Variants in SEM1 observed in about 807,000 individuals in gnomAD.
SEM1 encodes the protein SEM1 26S proteasome subunit.
A neutral mutation model predicts 12.7 loss-of-function variants in SEM1; 3 were observed. The ratio of observed to expected loss-of-function variants is 0.24; its 90% CI spans 0.11 to 0.61. The LOEUF (loss-of-function observed/expected upper bound fraction) is 0.61. Ranked by LOEUF, SEM1 falls within the 20% of genes least tolerant of loss-of-function variation. The pLI is 0.88. For synonymous variants in SEM1, 30 were observed against 27.8 expected, an observed-to-expected ratio of 1.08 and a Z score of -0.25; for missense variants, 59 against 81.3, an observed-to-expected ratio of 0.73 and a Z score of 1.06.
rs146793911 is a variant in SEM1 at position 96,690,554 on chromosome 7, A to T, written c.171-1588T>A. On this transcript the variant is annotated intron_variant, in intron 2 of 2. Transcript: ENST00000248566. ...CTGCTGAGTGGAAAAATCAACAAAG[A>T]CAAAAATAGAAAACCTCAGCACAAC... is the stretch of plus-strand genomic sequence containing the variant. Among the ~76,000 whole-genome samples, 68 of 152,292 alleles carry T rather than the reference A, an allele frequency of 4.5e-4. 1 individual carries two copies. Among genetic ancestry groups the T allele is most frequent in the African/African-American group, 1.5e-3 (64 of 41,534 alleles).
At chr7:96,615,399 C>A (rs920690203) in intron 2 of SEM1, among the ~76,000 whole-genome samples, 1 of 151,982 alleles carries the variant, frequency 6.6e-6, no homozygotes, top group African/African-American at 2.4e-5. Flanking sequence ...GGATTACAGG[C>A]GCCTACCACC....
chr7:96,660,214 C>T (rs1788951126), intron 2 of SEM1, among the ~76,000 whole-genome samples: 1 of 152,068 alleles, frequency 6.6e-6, no homozygotes, highest in Admixed American at 6.6e-5. Flanking sequence ...TGTGTCCCAA[C>T]ATAATGACAA....
intron 2 of SEM1, among the ~76,000 whole-genome samples, chr7:96,631,553 G>A (rs1402599984): frequency 3.3e-5 from 5 of 152,012 alleles, no homozygotes; most frequent in African/African-American, 1.2e-4. Context: ...GCCTCTTTCA[G>A]TGATATAAAG....
At chr7:96,563,805 CTG>C (rs1211303061) in intron 2 of SEM1, among the ~76,000 whole-genome samples, 3 of 152,114 alleles carry the variant, frequency 2.0e-5, no homozygotes, top group African/African-American at 7.2e-5. Flanking sequence ...AAAATTCAAA[CTG>C]TTAATACTCA....
At chr7:96,583,093 T>C (rs1302977812) in intron 2 of SEM1, among the ~76,000 whole-genome samples, 1 of 152,126 alleles carries the variant, frequency 6.6e-6, no homozygotes, top group East Asian at 1.9e-4. Flanking sequence ...TTTCCTGCTT[T>C]CTCTTGTGGG....
At chr7:96,590,599 A>G (rs17167655) in intron 2 of SEM1, among the ~76,000 whole-genome samples, 6,274 of 152,302 alleles carry the variant, frequency 0.041, 337 homozygotes, top group Admixed American at 0.14. Context: ...GAAAACAAAG[A>G]CATTGCTTAG....
At chr7:96,520,875 TC>T (rs1278130599) in intron 2 of SEM1, among the ~76,000 whole-genome samples, 3 of 151,970 alleles carry the variant, frequency 2.0e-5, no homozygotes, top group African/African-American at 4.8e-5. Flanking sequence ...GGCCCACTGA[TC>T]CCAGCTTGCA....
chr7:96,703,972 A>AACACACACACACACACAC (rs67174798), intron 1 of SEM1, among the ~76,000 whole-genome samples: 5 of 142,084 alleles, frequency 3.5e-5, no homozygotes, highest in African/African-American at 1.1e-4. Context: ...GTCTCTTAAA[A>AACACACACACACACACAC]ACACACACAC....
intron 2 of SEM1, among the ~76,000 whole-genome samples, chr7:96,574,391 AACATAC>A (rs2116006699): frequency 5.2e-5 from 1 of 19,386 alleles, no homozygotes; most frequent in South Asian, 1.3e-3. Context: ...TGCCGCAATA[AACATAC>A]GTGTGCATGT....
rs187246341 is a variant in SEM1 at position 96,630,050 on chromosome 7, C to G, written c.171-7407G>C. On this transcript the variant is annotated intron_variant, in intron 2 of 2. Transcript: ENST00000417009. Reference sequence around the variant, plus strand: ...AGTGACCCAAGCACCCTTGTGGCCACCACCACTAGCACTGTGCTGGATCAG... The same window carrying G: ...AGTGACCCAAGCACCCTTGTGGCCAGCACCACTAGCACTGTGCTGGATCAG... Among the ~76,000 whole-genome samples, 76 of 152,342 alleles carry G rather than the reference C, an allele frequency of 5.0e-4. 1 individual carries two copies. The highest frequency in any genetic ancestry group is 1.7e-3 in the African/African-American group (69 of 41,578).
chr7:96,586,725 T>C (rs1806649283), intron 2 of SEM1, among the ~76,000 whole-genome samples: 1 of 152,196 alleles, frequency 6.6e-6, no homozygotes, highest in South Asian at 2.1e-4. Context: ...GGCAGAATGT[T>C]ATGTGTTTTA....
intron 2 of SEM1, among the ~76,000 whole-genome samples, chr7:96,564,535 C>G (rs964473978): frequency 1.3e-5 from 2 of 152,040 alleles, no homozygotes; most frequent in African/African-American, 4.8e-5. Context: ...AAAGGAAGAG[C>G]CACGTTCTTT....
At chr7:96,496,345 T>A, upstream of SEM1, 1 of 1,399,914 alleles carries the variant, frequency 7.1e-7, no homozygotes, top group Non-Finnish European at 9.7e-7. Context: ...TGTTTCTCTG[T>A]GTGAAATAAA....
At chr7:96,527,690 C>T (rs1180561590) in intron 2 of SEM1, among the ~76,000 whole-genome samples, 1 of 152,108 alleles carries the variant, frequency 6.6e-6, no homozygotes, top group African/African-American at 2.4e-5. Flanking sequence ...TAATTCACAT[C>T]GTTATCATTG....
chr7:96,602,942 C>A (rs1186612742), intron 2 of SEM1, among the ~76,000 whole-genome samples: 1 of 152,126 alleles, frequency 6.6e-6, no homozygotes, highest in South Asian at 2.1e-4. Flanking sequence ...GATGGAGAAA[C>A]AATCAGGATA....
rs138520257 is a variant in SEM1 at position 96,492,759 on chromosome 7, A to ATGTGTGTG, written c.12+3517_12+3524dup. 7.2e-3 allele frequency among the ~76,000 whole-genome samples: 1,034 copies of ATGTGTGTG among 142,974 alleles called. 14 individuals carry two copies. Among genetic ancestry groups the ATGTGTGTG allele is most frequent in the African/African-American group, 0.027 (995 of 37,492 alleles). The allele number at this position is 142,974 out of a possible 152,430, so 93.8% of individuals were successfully genotyped here. On this transcript the variant is annotated intron_variant, in intron 1 of 3. Coordinates refer to the SEM1 transcript ENST00000356686. ...TCCATTTTAAGGGTGAATAATATTCATGTGTGTGTGTGTGTGTGTGTGTGT... is the reference window on the plus strand; with the variant it reads ...TCCATTTTAAGGGTGAATAATATTCATGTGTGTGTGTGTGTGTGTGTGTGTGTGTGTGT...
chr7:96,487,302 T>C (rs1802813864), intron 1 of SEM1, among the ~76,000 whole-genome samples: 1 of 150,012 alleles, frequency 6.7e-6, no homozygotes, highest in Non-Finnish European at 1.5e-5. Context: ...TTAGTAACAA[T>C]GCCATGCTAT....
intron 2 of SEM1, among the ~76,000 whole-genome samples, chr7:96,551,813 G>C (rs1805286368): frequency 6.6e-6 from 1 of 152,028 alleles, no homozygotes; most frequent in African/African-American, 2.4e-5. Context: ...AACAAGGACT[G>C]CTGGCAGCCA....
exon 4 of SEM1, chr7:96,483,775 C>T: frequency 6.6e-7 from 1 of 1,508,838 alleles, no homozygotes; most frequent in Non-Finnish European, 8.9e-7. Flanking sequence ...GACAGAGAGC[C>T]AGGGATATCT....
Sources: gnomAD v4.1 joint callset for allele counts (sites outside exome capture counted in the v4.1 genomes callset) on GRCh38, gnomAD v4.1.1 for gene constraint, MANE v1.5 for transcripts, NCBI Gene and HGNC (gene_info 2026-07-23, HGNC 2026-07-21) for gene names.